GREB1L: variants seen among roughly 807,000 people sequenced by gnomAD.
GREB1L encodes GREB1 like retinoic acid receptor coactivator.
Under a neutral mutation model 200.8 loss-of-function variants are expected in GREB1L, and 17 were observed. The ratio of observed to expected loss-of-function variants is 0.08; its 90% CI spans 0.06 to 0.13. GREB1L has a LOEUF of 0.13. GREB1L is among the 10% of genes least tolerant of loss of function. GREB1L has a pLI of 1.00. For synonymous variants in GREB1L, 789 were observed against 893.0 expected, an observed-to-expected ratio of 0.88 and a Z score of 2.08; for missense variants, 1,657 against 2,367.7, an observed-to-expected ratio of 0.70 and a Z score of 6.23.
At chr18:21,279,665 G>T (rs572932483) in intron 1 of GREB1L, among the ~76,000 whole-genome samples, 1 of 152,122 alleles carries the variant, frequency 6.6e-6, no homozygotes. Context: ...AAGAGGTGGG[G>T]TCTTGCTATG....
chr18:21,432,004 G>A (rs2145106814), intron 7 of GREB1L, among the ~76,000 whole-genome samples: 1 of 141,828 alleles, frequency 7.1e-6, no homozygotes, highest in South Asian at 2.3e-4. Flanking sequence ...CTCACTGCAA[G>A]CTCCGCCTCC....
At chr18:21,378,499 G>T (rs2040168897) in intron 2 of GREB1L, among the ~76,000 whole-genome samples, 1 of 152,120 alleles carries the variant, frequency 6.6e-6, no homozygotes. Context: ...TCAGCCTTCA[G>T]AATAGCTGGG....
At chr18:21,269,489 T>C (rs1434087720) in intron 1 of GREB1L, among the ~76,000 whole-genome samples, 1 of 152,186 alleles carries the variant, frequency 6.6e-6, no homozygotes, top group South Asian at 2.1e-4. Context: ...TCAAGAACAT[T>C]GTAGAGCTGC....
At position 21,525,012 on chromosome 18, in the gene GREB1L, G is replaced by GTGTGTATATA. The variant is rs55641891; in HGVS notation, c.*2192_*2193insGTGTATATAT. ...AAGCACAGGACACCATGATTTGTGT[G>GTGTGTATATA]TATATATATATATATCCTAGTGTGT... On this transcript the variant is annotated 3_prime_UTR_variant, in exon 33 of 33. Transcript: ENST00000424526. 1.6e-4 allele frequency: 23 copies of GTGTGTATATA among 145,122 alleles called. No homozygotes were observed. The highest frequency in any genetic ancestry group is 5.5e-4 in the African/African-American group (22 of 40,128). The allele number at this position is 145,122 out of a possible 1,614,324, so 9.0% of individuals were successfully genotyped here. A position where few individuals can be genotyped will look rare whatever the true frequency, so the allele number is the denominator to read the frequency against.
At chr18:21,503,041 C>T (rs2036862773) in intron 23 of GREB1L, among the ~76,000 whole-genome samples, 1 of 152,078 alleles carries the variant, frequency 6.6e-6, no homozygotes, top group South Asian at 2.1e-4. Flanking sequence ...CTAAACTAGG[C>T]TTGAAAGTGC....
chr18:21,402,877 T>C (rs2144553882), intron 6 of GREB1L, among the ~76,000 whole-genome samples: 1 of 151,930 alleles, frequency 6.6e-6, no homozygotes, highest in Admixed American at 6.6e-5. Flanking sequence ...TTTATAATAG[T>C]TGCTATTTTG....
At chr18:21,435,346 T>A (rs866982289) in intron 7 of GREB1L, among the ~76,000 whole-genome samples, 7 of 152,218 alleles carry the variant, frequency 4.6e-5, no homozygotes, top group African/African-American at 1.7e-4. Flanking sequence ...GCACCTGCTA[T>A]AACTAGGAAC....
At chr18:21,306,549 A>T (rs2038703330) in intron 1 of GREB1L, among the ~76,000 whole-genome samples, 1 of 152,232 alleles carries the variant, frequency 6.6e-6, no homozygotes. Flanking sequence ...TACTCCTTGC[A>T]GATAAGAGTC....
intron 28 of GREB1L, 45 bp downstream of exon 28, chr18:21,514,031 GACAAT>G (rs1432579479): frequency 1.3e-6 from 2 of 1,497,072 alleles, no homozygotes; most frequent in South Asian, 2.5e-5. Flanking sequence ...CTATAGACAG[GACAAT>G]ACATTTCTTG....
rs1340971434 is a variant in GREB1L, at chr18:21,383,685, T to C, written c.157+10T>C. 2.6e-6 allele frequency: 4 copies of C among 1,547,772 alleles called. No homozygotes were observed. Among genetic ancestry groups the C allele is most frequent in the Non-Finnish European group, 3.5e-6 (4 of 1,145,692 alleles). ...CCTTTCTCATCTGCAGGTAAGTTTC[T>C]CAATCACACACATTTCTGGATTCTT... On this transcript the variant is annotated intron_variant, in intron 3 of 32. Transcript: ENST00000424526.
At chr18:21,489,238 G>C (rs1185486096) in intron 18 of GREB1L, among the ~76,000 whole-genome samples, 1 of 152,172 alleles carries the variant, frequency 6.6e-6, no homozygotes, top group African/African-American at 2.4e-5. Flanking sequence ...TGGTACCAAA[G>C]GCTGCTGCTG....
At chr18:21,342,168 T>A (rs1278677681) in intron 1 of GREB1L, among the ~76,000 whole-genome samples, 2 of 152,234 alleles carry the variant, frequency 1.3e-5, no homozygotes, top group Non-Finnish European at 2.9e-5. Context: ...CCTGAATTGA[T>A]GTTCAGTCCA....
chr18:21,433,593 C>T (rs557315430), intron 7 of GREB1L, among the ~76,000 whole-genome samples: 25 of 152,274 alleles, frequency 1.6e-4, no homozygotes, highest in African/African-American at 5.5e-4. Flanking sequence ...TCCAGCAGAC[C>T]TTAAATCACT....
At chr18:21,520,658 G>A in intron 31 of GREB1L, 30 bp from the exon 32 acceptor site, 1 of 1,551,064 alleles carries the variant, frequency 6.4e-7, no homozygotes, top group South Asian at 1.2e-5. Context: ...CTCTTGAAAT[G>A]CCCATGCTAT....
At chr18:21,271,669 AAG>A (rs1239772891) in intron 1 of GREB1L, among the ~76,000 whole-genome samples, 2 of 151,728 alleles carry the variant, frequency 1.3e-5, no homozygotes, top group Non-Finnish European at 2.9e-5. Context: ...AAAAAAAAAA[AAG>A]AATGCATTTA....
intron 7 of GREB1L, among the ~76,000 whole-genome samples, chr18:21,430,072 A>G (rs562199271): frequency 4.6e-5 from 7 of 152,016 alleles, no homozygotes; most frequent in East Asian, 3.9e-4. Flanking sequence ...TCTTTTAAGG[A>G]CACCAGTCCT....
At chr18:21,419,540 C>T (rs555194921) in intron 7 of GREB1L, among the ~76,000 whole-genome samples, 1 of 152,336 alleles carries the variant, frequency 6.6e-6, no homozygotes, top group African/African-American at 2.4e-5. Flanking sequence ...GCAACCTCCA[C>T]CTCCCTTCAA....
intron 7 of GREB1L, among the ~76,000 whole-genome samples, chr18:21,416,652 C>A (rs1357608020): frequency 6.6e-6 from 1 of 150,856 alleles, no homozygotes; most frequent in Non-Finnish European, 1.5e-5. Context: ...CAAGATTGCC[C>A]CACTGTACTC....
chr18:21,424,664 A>G (rs1360207725), intron 7 of GREB1L, among the ~76,000 whole-genome samples: 2 of 152,224 alleles, frequency 1.3e-5, no homozygotes, highest in Non-Finnish European at 2.9e-5. Context: ...TTCATCCATT[A>G]AAAGTATATA....
Sources: gnomAD v4.1 joint callset for allele counts (sites outside exome capture counted in the v4.1 genomes callset) on GRCh38, gnomAD v4.1.1 for gene constraint, MANE v1.5 for transcripts, NCBI Gene and HGNC (gene_info 2026-07-23, HGNC 2026-07-21) for gene names.